HIVEP1: variants seen among roughly 807,000 people sequenced by gnomAD.
HIVEP1 encodes the protein zinc finger protein 40.
In HIVEP1, 36 loss-of-function variants were observed where a neutral mutation model predicts 180.0. The observed-to-expected ratio is 0.20, with a 90% confidence interval of 0.15 to 0.26. The LOEUF (loss-of-function observed/expected upper bound fraction) is 0.26, where lower values mean the gene tolerates loss of function less well. Among genes scored for constraint, HIVEP1 ranks in the 10% least tolerant of loss-of-function variants. The probability of loss-of-function intolerance (pLI) is 1.00; values close to 1 mark genes in which losing one functional copy is unlikely to be tolerated. For synonymous variants in HIVEP1, 1,239 were observed against 1,239.0 expected (o/e 1.00, Z 0.00); for missense variants, 3,143 against 3,268.7 (o/e 0.96, Z 0.94).
At chr6:12,075,152 C>T (rs556684112) in intron 2 of HIVEP1, among the ~76,000 whole-genome samples, 8 of 152,346 alleles carry the variant, frequency 5.3e-5, no homozygotes, top group South Asian at 4.1e-4. Context: ...CACGTAGACA[C>T]GTGCATGACA....
At chr6:12,016,604 T>C (rs1767766814) in intron 2 of HIVEP1, among the ~76,000 whole-genome samples, 1 of 152,186 alleles carries the variant, frequency 6.6e-6, no homozygotes, top group South Asian at 2.1e-4. Context: ...ATGGCCTCCG[T>C]GAATCTGGAA....
At chr6:12,076,547 T>C (rs1772363926) in intron 2 of HIVEP1, among the ~76,000 whole-genome samples, 1 of 152,142 alleles carries the variant, frequency 6.6e-6, no homozygotes, top group Non-Finnish European at 1.5e-5. Flanking sequence ...TTGCTGTGTC[T>C]TCACATGGAG....
At chr6:12,115,066 C>G (rs1403382702) in intron 3 of HIVEP1, among the ~76,000 whole-genome samples, 2 of 152,320 alleles carry the variant, frequency 1.3e-5, no homozygotes, top group South Asian at 2.1e-4. Context: ...TAAGCACACT[C>G]TGAGCTGTGG....
intron 2 of HIVEP1, among the ~76,000 whole-genome samples, chr6:12,060,800 T>C (rs1220544098): frequency 1.3e-5 from 2 of 152,206 alleles, no homozygotes; most frequent in Non-Finnish European, 2.9e-5. Context: ...ATTAAACGGT[T>C]GGGAAGGTAC....
chr6:12,036,642 G>C (rs866679771), intron 2 of HIVEP1, among the ~76,000 whole-genome samples: 8 of 152,328 alleles, frequency 5.3e-5, no homozygotes, highest in Middle Eastern at 6.8e-3. Context: ...TGTGGCTCAC[G>C]CCTGTAATCC....
chr6:12,194,485 C>T, the HIVEP1 span, among the ~76,000 whole-genome samples: 1 of 152,072 alleles, frequency 6.6e-6, no homozygotes. Context: ...TTCATAAATT[C>T]AGATTACAAA....
At chr6:12,099,558 C>T (rs1773986975) in intron 3 of HIVEP1, among the ~76,000 whole-genome samples, 1 of 152,092 alleles carries the variant, frequency 6.6e-6, no homozygotes, top group Non-Finnish European at 1.5e-5. Flanking sequence ...TAACATGACC[C>T]TTATATGTGA....
chr6:12,167,540 TATATATA>T (rs1014276030), downstream of HIVEP1, among the ~76,000 whole-genome samples: 1 of 130,406 alleles, frequency 7.7e-6, no homozygotes, highest in African/African-American at 2.9e-5. Context: ...TATATTTGTA[TATATATA>T]ATATATGTAT....
chr6:12,168,345 ATGTATATG>A (rs1562025025), downstream of HIVEP1, among the ~76,000 whole-genome samples: 11 of 137,798 alleles, frequency 8.0e-5, no homozygotes, highest in East Asian at 2.0e-4. Flanking sequence ...TTATATATAC[ATGTATATG>A]TATATATTAT....
the HIVEP1 span, among the ~76,000 whole-genome samples, chr6:12,193,106 C>T: frequency 5.1e-4 from 77 of 152,324 alleles, 1 homozygote; most frequent in Admixed American, 1.8e-3. Context: ...GCGTGAGCCA[C>T]AGCAGCTGGC....
chr6:12,017,516 C>T (rs1561856339), intron 2 of HIVEP1, among the ~76,000 whole-genome samples: 1 of 151,990 alleles, frequency 6.6e-6, no homozygotes, highest in African/African-American at 2.4e-5. Flanking sequence ...CCACAGTCTG[C>T]AAGGGGACCC....
intron 6 of HIVEP1, among the ~76,000 whole-genome samples, chr6:12,133,806 C>T (rs1258229228): frequency 2.0e-5 from 3 of 151,942 alleles, no homozygotes; most frequent in Admixed American, 1.3e-4. Flanking sequence ...GGTGAAACCC[C>T]GTCTTAACTA....
Position 12,125,919 on chromosome 6 carries a change from T to C in HIVEP1, c.6075+49T>C, listed in dbSNP as rs369525270. 275 of 1,097,350 alleles carry C rather than the reference T, an allele frequency of 2.5e-4. 1 individual carries two copies. The highest frequency in any genetic ancestry group is 1.9e-4 in the Non-Finnish European group (142 of 756,146). 68.0% of individuals were successfully genotyped at this position (1,097,350 alleles called of 1,614,324 possible). A position where few individuals can be genotyped will look rare whatever the true frequency, so the allele number is the denominator to read the frequency against. Reference sequence around the variant, plus strand: ...CAGATATGGTTTGCGCAAATTTGTTTCCATGTGTCTTGATACCTTTAAATA... The same window carrying C: ...CAGATATGGTTTGCGCAAATTTGTTCCCATGTGTCTTGATACCTTTAAATA... On this transcript the variant is annotated intron_variant, in intron 4 of 8. Transcript: ENST00000379388.
intron 2 of HIVEP1, among the ~76,000 whole-genome samples, chr6:12,079,114 G>A (rs977308653): frequency 6.6e-6 from 1 of 152,098 alleles, no homozygotes. Flanking sequence ...GTGGGAAGAG[G>A]AAACCAATGT....
At chr6:12,129,602 G>A in intron 4 of HIVEP1, 157 bp from the exon 5 acceptor site, 1 of 708,592 alleles carries the variant, frequency 1.4e-6, no homozygotes, top group Non-Finnish European at 2.6e-6. Context: ...TCATAAGGGA[G>A]GAGATAAAGT....
chr6:12,150,843 ATTGT>A (rs1409191071), intron 7 of HIVEP1, among the ~76,000 whole-genome samples: 1 of 152,164 alleles, frequency 6.6e-6, no homozygotes, highest in Non-Finnish European at 1.5e-5. Context: ...CTAGGTTGCC[ATTGT>A]TTATCTGGCT....
At chr6:12,042,992 C>T (rs1352450266) in intron 2 of HIVEP1, among the ~76,000 whole-genome samples, 1 of 152,250 alleles carries the variant, frequency 6.6e-6, no homozygotes, top group East Asian at 1.9e-4. Flanking sequence ...GCCGATTTCT[C>T]AGTGTTGTTT....
the HIVEP1 span, among the ~76,000 whole-genome samples, chr6:12,173,971 A>C: frequency 6.6e-6 from 1 of 152,232 alleles, no homozygotes; most frequent in African/African-American, 2.4e-5. Flanking sequence ...TGTTAAGAAC[A>C]GTTTTGATTC....
chr6:12,099,015 A>G (rs1202507218), intron 3 of HIVEP1, among the ~76,000 whole-genome samples: 1 of 152,186 alleles, frequency 6.6e-6, no homozygotes, highest in Non-Finnish European at 1.5e-5. Flanking sequence ...ATGAGTGGGA[A>G]GGGCAAGAAG....
Sources: gnomAD v4.1 joint callset for allele counts (sites outside exome capture counted in the v4.1 genomes callset) on GRCh38, gnomAD v4.1.1 for gene constraint, MANE v1.5 for transcripts, NCBI Gene and HGNC (gene_info 2026-07-23, HGNC 2026-07-21) for gene names.